Variants in BRF1 observed in about 807,000 individuals in gnomAD.
The protein encoded by BRF1 is BRF1 general transcription factor IIIB subunit, also known as transcription factor IIIB 90 kDa subunit.
BRF1 carries 59 observed loss-of-function variants against 81.7 expected under a neutral mutation model. That is an observed-to-expected ratio of 0.72 (90% CI 0.59 to 0.90). The LOEUF is 0.90. Ranked by LOEUF, BRF1 falls within the 40% of genes least tolerant of loss-of-function variation. BRF1 has a pLI of 0.00. For missense variants in BRF1, 1,050 were observed against 936.3 expected (o/e 1.12, Z -1.58); for synonymous variants, 491 against 395.6 (o/e 1.24, Z -2.86).
intron 5 of BRF1, chr14:105,242,476 C>A (rs2054750583): frequency 6.6e-6 from 1 of 152,076 alleles, no homozygotes; most frequent in East Asian, 1.9e-4. Context: ...GTGGCTCACA[C>A]CTCTAATCCC....
chr14:105,217,354 G>A lies in BRF1; in HGVS notation c.1772+190C>T, dbSNP rs587642246. 2.0e-5 allele frequency: 18 copies of A among 886,336 alleles called. No homozygotes were observed. The South Asian group carries it at 3.0e-4, about 15-fold the overall frequency. The allele number at this position is 886,336 out of a possible 1,614,324, so 54.9% of individuals were successfully genotyped here. On this transcript the variant is annotated intron_variant, in intron 15 of 17. Coordinates refer to ENST00000547530, the MANE Select transcript of BRF1 (RefSeq NM_001519.4). ...CGCCCGTCCGCTCACAGCCTGCCAG[G>A]CCAAGGAGAGTTGAGACACTGTCAA...
chr14:105,250,563 CG>C (rs147771481), intron 5 of BRF1: 1 of 1,614,104 alleles, frequency 6.2e-7, no homozygotes, highest in East Asian at 2.2e-5. Context: ...GAGGGGATGA[CG>C]GAAGTGCAGT....
intron 1 of BRF1, among the ~76,000 whole-genome samples, chr14:105,291,113 G>A (rs937680331): frequency 1.3e-5 from 2 of 152,146 alleles, no homozygotes; most frequent in Non-Finnish European, 2.9e-5. Flanking sequence ...CATGTGGAAG[G>A]GGCCAGGTCT....
At chr14:105,283,462 G>C (rs2057193813) in intron 2 of BRF1, among the ~76,000 whole-genome samples, 1 of 152,158 alleles carries the variant, frequency 6.6e-6, no homozygotes. Context: ...AGAGGGGTGG[G>C]GGCCCCGCAG....
At chr14:105,295,612 C>T (rs746060210) in intron 1 of BRF1, among the ~76,000 whole-genome samples, 1 of 151,270 alleles carries the variant, frequency 6.6e-6, no homozygotes, top group African/African-American at 2.4e-5. Context: ...CCTGTCTCCC[C>T]AACCAAAAAA....
chr14:105,211,280 C>G lies in BRF1; in HGVS notation c.1838G>C (p.Ser613Thr), dbSNP rs587631691. Reference protein sequence around the residue: ...KVATGEALLPSSPTLGAEPAR... With the variant: ...KVATGEALLPTSPTLGAEPAR... ...AGGCTCAGCTCCGAGGGTGGGAGAGCTTGGGAGCAAAGCCTGGAACGAAGT... is the reference window on the plus strand; with the variant it reads ...AGGCTCAGCTCCGAGGGTGGGAGAGGTTGGGAGCAAAGCCTGGAACGAAGT... The change falls in exon 17 of 18, where the codon AGC becomes ACC. Residue 613 changes from serine (S) to threonine (T), a missense_variant. Coordinates refer to ENST00000547530, the MANE Select transcript of BRF1 (RefSeq NM_001519.4). 6.9e-6 allele frequency: 11 copies of G among 1,599,386 alleles called. No individual in the cohort carries two copies. The highest frequency in any genetic ancestry group is 1.3e-5 in the African/African-American group (1 of 74,658).
intron 2 of BRF1, among the ~76,000 whole-genome samples, chr14:105,274,355 C>T (rs1170924637): frequency 6.6e-6 from 1 of 152,148 alleles, no homozygotes; most frequent in Non-Finnish European, 1.5e-5. Flanking sequence ...TGCTGAGTGC[C>T]GGTCCCCTGG....
chr14:105,248,589 G>A (rs1265313005), intron 5 of BRF1: 3 of 251,402 alleles, frequency 1.2e-5, no homozygotes, highest in Non-Finnish European at 1.8e-5. Context: ...GGGCGGGCGG[G>A]ACGGCGCCCC....
intron 12 of BRF1, chr14:105,219,808 C>T (rs950316708): frequency 4.6e-5 from 26 of 561,078 alleles, no homozygotes; most frequent in African/African-American, 4.3e-4. Flanking sequence ...TGTGTGCCTG[C>T]TGCAGGCTAT....
intron 2 of BRF1, among the ~76,000 whole-genome samples, chr14:105,278,679 G>A (rs930908078): frequency 1.3e-5 from 2 of 152,090 alleles, no homozygotes; most frequent in African/African-American, 2.4e-5. Flanking sequence ...GCTGAGGTGG[G>A]AGGATCACTG....
At chr14:105,229,285 A>G (rs1418158879) in intron 6 of BRF1, among the ~76,000 whole-genome samples, 2 of 152,246 alleles carry the variant, frequency 1.3e-5, no homozygotes, top group Non-Finnish European at 2.9e-5. Context: ...GAAAGGGGCG[A>G]GGCCACAGCT....
chr14:105,256,153 G>A (rs1310993933), intron 4 of BRF1: 1 of 1,464,718 alleles, frequency 6.8e-7, no homozygotes, highest in Non-Finnish European at 9.1e-7. Context: ...AAAATGCAAG[G>A]TCAAAAGAAA....
chr14:105,244,025 C>G (rs1468632059), intron 5 of BRF1, among the ~76,000 whole-genome samples: 1 of 151,928 alleles, frequency 6.6e-6, no homozygotes, highest in Non-Finnish European at 1.5e-5. Flanking sequence ...AAATTCAAGA[C>G]AAGCCAGGCA....
rs1187054017 is a variant in BRF1 at position 105,249,216 on chromosome 14, C to T, written c.544+3291G>A. 1.3e-6 allele frequency: 2 copies of T among 1,587,628 alleles called. No homozygotes were observed. The highest frequency in any genetic ancestry group is 2.2e-5 in the South Asian group (2 of 89,174). ...GACGTGCACTTCGTCGTGGGGCCCCCGGGGGCGACCAGGACGGTGCCCGCC... is the reference window on the plus strand; with the variant it reads ...GACGTGCACTTCGTCGTGGGGCCCCTGGGGGCGACCAGGACGGTGCCCGCC... On this transcript the variant is annotated intron_variant, in intron 5 of 17. Transcript: ENST00000547530.
At chr14:105,287,709 T>C (rs770050308) in intron 1 of BRF1, among the ~76,000 whole-genome samples, 1 of 152,240 alleles carries the variant, frequency 6.6e-6, no homozygotes, top group Non-Finnish European at 1.5e-5. Context: ...GCACGGCCTC[T>C]GGCTTCACAA....
chr14:105,253,654 G>A (rs185587756), intron 4 of BRF1, among the ~76,000 whole-genome samples: 4 of 152,366 alleles, frequency 2.6e-5, no homozygotes, highest in Non-Finnish European at 5.9e-5. Flanking sequence ...TGTGGGGGAT[G>A]CCTCTGATCA....
intron 1 of BRF1, among the ~76,000 whole-genome samples, chr14:105,294,872 C>A (rs1426145057): frequency 6.6e-6 from 1 of 152,196 alleles, no homozygotes; most frequent in African/African-American, 2.4e-5. Flanking sequence ...GCGGCTAATT[C>A]ACCCCAGGTG....
chr14:105,293,321 G>A (rs186337404), intron 1 of BRF1, among the ~76,000 whole-genome samples: 37 of 152,288 alleles, frequency 2.4e-4, no homozygotes, highest in African/African-American at 7.5e-4. Context: ...CGGCTGCATC[G>A]TGACCCCAAA....
intron 1 of BRF1, among the ~76,000 whole-genome samples, chr14:105,288,030 C>A (rs758258791): frequency 4.6e-5 from 7 of 152,210 alleles, no homozygotes; most frequent in Non-Finnish European, 1.0e-4. Context: ...GCACTGAGCA[C>A]AGGCCTCCAA....
Sources: allele counts gnomAD v4.1 joint callset (sites outside exome capture counted in the v4.1 genomes callset), GRCh38; gene constraint gnomAD v4.1.1; transcripts MANE v1.5; gene names NCBI Gene and HGNC (gene_info 2026-07-23, HGNC 2026-07-21).